TULP4: variants seen among roughly 807,000 people sequenced by gnomAD.
The protein encoded by TULP4 is TUB like protein 4.
A neutral mutation model predicts 129.0 loss-of-function variants in TULP4; 16 were observed. The ratio of observed to expected loss-of-function variants is 0.12; its 90% CI spans 0.08 to 0.19. The LOEUF (loss-of-function observed/expected upper bound fraction) is 0.19. TULP4 is among the 10% of genes least tolerant of loss of function. TULP4 has a pLI of 1.00. For synonymous variants in TULP4, 998 were observed against 854.0 expected (o/e 1.17, Z -2.94); for missense variants, 1,842 against 2,059.1 (o/e 0.89, Z 2.04).
upstream of TULP4, among the ~76,000 whole-genome samples, chr6:158,308,861 C>T (rs1164785880): frequency 2.5e-3 from 305 of 120,162 alleles, no homozygotes; most frequent in Non-Finnish European, 2.7e-3. Flanking sequence ...ACCTCCCGGA[C>T]GGGGCGGCTG....
chr6:158,234,499 T>C (rs1049795891), intron 1 of TULP4, among the ~76,000 whole-genome samples: 3 of 152,224 alleles, frequency 2.0e-5, no homozygotes, highest in Non-Finnish European at 2.9e-5. Context: ...TGTGCATGGC[T>C]AAGCTAGGTC....
chr6:158,412,575 C>A (rs1004549693), intron 1 of TULP4, among the ~76,000 whole-genome samples: 3 of 151,748 alleles, frequency 2.0e-5, no homozygotes, highest in Admixed American at 1.3e-4. Flanking sequence ...TCCAAATTAA[C>A]CACATTTAGA....
intron 1 of TULP4, among the ~76,000 whole-genome samples, chr6:158,276,306 CTT>C (rs59674153): frequency 5.9e-4 from 80 of 136,118 alleles, no homozygotes; most frequent in Admixed American, 7.4e-4. Flanking sequence ...CTTCTTCTTT[CTT>C]TTTTTTTTTT....
exon 1 of TULP4, chr6:158,232,267 G>C (rs1030265539): frequency 6.7e-6 from 1 of 148,412 alleles, no homozygotes; most frequent in Non-Finnish European, 1.5e-5. Context: ...GAGAGGCACG[G>C]AGGAGCCGCT....
intron 3 of TULP4, among the ~76,000 whole-genome samples, chr6:158,447,887 G>C (rs752916831): frequency 2.0e-5 from 3 of 152,214 alleles, no homozygotes; most frequent in Non-Finnish European, 1.5e-5. Flanking sequence ...CTGACGGATA[G>C]ACAGATCCCA....
chr6:158,335,915 T>C (rs1288421379), intron 1 of TULP4, among the ~76,000 whole-genome samples: 1 of 152,232 alleles, frequency 6.6e-6, no homozygotes, highest in African/African-American at 2.4e-5. Context: ...AGTGAATAAT[T>C]TGTGTGTATG....
At chr6:158,356,620 C>T (rs1780653515) in intron 1 of TULP4, among the ~76,000 whole-genome samples, 1 of 152,058 alleles carries the variant, frequency 6.6e-6, no homozygotes, top group Non-Finnish European at 1.5e-5. Context: ...GTTGGGGCAT[C>T]CAGGGTCCAA....
Position 158,506,568 on chromosome 6 carries a change from C to T in TULP4, c.4516-10C>T, listed in dbSNP as rs1441005983. ...TCTTTAATGTCTTTGCTTCCCCTGC[C>T]CTCCTCCAGGTGATGCAGTTTGGAC... On this transcript the variant is annotated splice_polypyrimidine_tract_variant and intron_variant, in intron 13 of 13. Transcript: ENST00000367097. 3.8e-6 allele frequency: 6 copies of T among 1,559,188 alleles called. No homozygotes were observed. The highest frequency in any genetic ancestry group is 1.1e-5 in the South Asian group (1 of 89,854).
intron 6 of TULP4, among the ~76,000 whole-genome samples, chr6:158,467,264 C>T (rs575464059): frequency 2.2e-5 from 3 of 136,612 alleles, no homozygotes; most frequent in East Asian, 2.1e-4. Context: ...GTTTGAGCCA[C>T]GACTTTCCCT....
intron 6 of TULP4, among the ~76,000 whole-genome samples, chr6:158,472,863 A>G (rs192851277): frequency 2.0e-3 from 301 of 152,310 alleles, no homozygotes; most frequent in Non-Finnish European, 3.7e-3. Flanking sequence ...TTTCTGTCCT[A>G]CATGTTGTAA....
intron 1 of TULP4, among the ~76,000 whole-genome samples, chr6:158,244,578 C>G (rs1200665589): frequency 6.6e-6 from 1 of 152,040 alleles, no homozygotes; most frequent in African/African-American, 2.4e-5. Context: ...TTTTTTCTCC[C>G]CATGTGAGCA....
At chr6:158,314,827 T>C (rs1348440222) in intron 1 of TULP4, among the ~76,000 whole-genome samples, 2 of 152,202 alleles carry the variant, frequency 1.3e-5, no homozygotes, top group African/African-American at 4.8e-5. Flanking sequence ...ATGTATAGGG[T>C]ATATTATATT....
intron 1 of TULP4, among the ~76,000 whole-genome samples, chr6:158,393,096 G>A (rs1777626367): frequency 6.6e-6 from 1 of 151,996 alleles, no homozygotes; most frequent in African/African-American, 2.4e-5. Context: ...CAAAACAAAG[G>A]GGCTACAGGC....
chr6:158,349,713 TG>T (rs755003448), intron 1 of TULP4, among the ~76,000 whole-genome samples: 3 of 54,170 alleles, frequency 5.5e-5, no homozygotes, highest in African/African-American at 1.5e-4. Context: ...TCCCAGACGA[TG>T]GGCGGCCGGG....
chr6:158,242,268 C>T (rs1459083420), intron 1 of TULP4: 20 of 1,548,478 alleles, frequency 1.3e-5, no homozygotes, highest in Non-Finnish European at 1.8e-5. Flanking sequence ...CGTGGTCTAT[C>T]AGTGCACATG....
chr6:158,349,219 G>C (rs1400143378), intron 1 of TULP4, among the ~76,000 whole-genome samples: 1 of 146,622 alleles, frequency 6.8e-6, no homozygotes, highest in South Asian at 2.2e-4. Context: ...CGGGGTGGCC[G>C]GGCAGAGGCG....
At position 158,411,126 on chromosome 6, in the gene TULP4, G is replaced by GAAAA. The variant is rs79023085; in HGVS notation, c.253-1923_253-1920dup. The stretch of plus-strand genomic sequence containing the variant: ...GGTCGAGGCCAACTTAGGTAAAAGT[G>GAAAA]AAAAAAAAAAAAAAAAAAAGTAAAC... On this transcript the variant is annotated intron_variant, in intron 1 of 13. Transcript: ENST00000367097. Among the ~76,000 whole-genome samples the GAAAA allele has an allele frequency of 4.0e-4, 21 of 52,168 alleles. 1 individual carries two copies. The highest frequency in any genetic ancestry group is 1.3e-3 in the African/African-American group (21 of 16,028). The allele number at this position is 52,168 out of a possible 152,430, so 34.2% of individuals were successfully genotyped here. A position where few individuals can be genotyped will look rare whatever the true frequency, so the allele number is the denominator to read the frequency against.
chr6:158,240,226 C>T (rs1244087408), intron 1 of TULP4, among the ~76,000 whole-genome samples: 16 of 77,350 alleles, frequency 2.1e-4, no homozygotes, highest in Non-Finnish European at 3.5e-4. Context: ...GGCTGACCCC[C>T]CCACCTCCCT....
intron 1 of TULP4, among the ~76,000 whole-genome samples, chr6:158,353,148 C>G (rs1780567728): frequency 6.6e-6 from 1 of 152,222 alleles, no homozygotes; most frequent in South Asian, 2.1e-4. Flanking sequence ...ACCTCCCAGG[C>G]CTCCTGGCTT....
Sources: gnomAD v4.1 joint callset for allele counts (sites outside exome capture counted in the v4.1 genomes callset) on GRCh38, gnomAD v4.1.1 for gene constraint, MANE v1.5 for transcripts, NCBI Gene and HGNC (gene_info 2026-07-23, HGNC 2026-07-21) for gene names.